PCDH17: variants seen among roughly 807,000 people sequenced by gnomAD.
The protein encoded by PCDH17 is protocadherin-17.
PCDH17 carries 21 observed loss-of-function variants against 67.7 expected under a neutral mutation model. That is an observed-to-expected ratio of 0.31 (90% CI 0.22 to 0.45). The LOEUF is 0.45. PCDH17 is among the 20% of genes least tolerant of loss of function. PCDH17 has a pLI of 1.00. For missense variants in PCDH17, 1,471 were observed against 1,564.8 expected (o/e 0.94, Z 1.01); for synonymous variants, 701 against 656.7 (o/e 1.07, Z -1.03).
At chr13:57,663,837 C>T (rs1389656249) in intron 1 of PCDH17, among the ~76,000 whole-genome samples, 2 of 152,170 alleles carry the variant, frequency 1.3e-5, no homozygotes, top group East Asian at 3.9e-4. Flanking sequence ...CTCCTCGTTC[C>T]TGTATCTTTT....
chr13:57,701,262 T>TCCCC (rs1177887292), intron 3 of PCDH17, among the ~76,000 whole-genome samples: 1 of 151,960 alleles, frequency 6.6e-6, no homozygotes, highest in East Asian at 1.9e-4. Flanking sequence ...ACTTTGTATC[T>TCCCC]CCCCCGTTTG....
At chr13:57,709,285 C>A (rs1285250695) in intron 3 of PCDH17, among the ~76,000 whole-genome samples, 1 of 151,704 alleles carries the variant, frequency 6.6e-6, no homozygotes, top group Non-Finnish European at 1.5e-5. Context: ...AGGGATATTA[C>A]AGAATAGTTT....
chr13:57,720,230 T>C (rs1449784560), intron 3 of PCDH17, among the ~76,000 whole-genome samples: 1 of 152,004 alleles, frequency 6.6e-6, no homozygotes, highest in African/African-American at 2.4e-5. Flanking sequence ...AGCTTTCAGA[T>C]ATTATCAGCC....
chr13:57,677,545 G>A (rs964676350), intron 3 of PCDH17, among the ~76,000 whole-genome samples: 1 of 151,800 alleles, frequency 6.6e-6, no homozygotes, highest in African/African-American at 2.4e-5. Context: ...GAGGAGAATG[G>A]ACAGAGACAG....
chr13:57,705,413 T>C lies in PCDH17; in HGVS notation c.2798-19199T>C, dbSNP rs897992204. Reference sequence around the variant, plus strand: ...GAGTATCAGCTGTTGGCATCATCCATTCATATTATCCATATTAAGTATCTG... The same window carrying C: ...GAGTATCAGCTGTTGGCATCATCCACTCATATTATCCATATTAAGTATCTG... On this transcript the variant is annotated intron_variant, in intron 3 of 3. Transcript: ENST00000377918. Among the ~76,000 whole-genome samples, 7 of 152,132 alleles carry C rather than the reference T, an allele frequency of 4.6e-5. 1 individual carries two copies. Among genetic ancestry groups the C allele is most frequent in the Middle Eastern group, 6.3e-3 (2 of 316 alleles).
rs1194165278 is a variant in PCDH17 at position 57,728,193 on chromosome 13, G to T, written c.*2899G>T. On this transcript the variant is annotated 3_prime_UTR_variant, in exon 4 of 4. Coordinates refer to ENST00000377918, the MANE Select transcript of PCDH17 (RefSeq NM_001040429.3). Reference sequence around the variant, plus strand: ...CATTTAGCTGGCAACTGCCTTTATTGCAGACCTCTGGTGCTTGGCTTTCAA... The same window carrying T: ...CATTTAGCTGGCAACTGCCTTTATTTCAGACCTCTGGTGCTTGGCTTTCAA... 7 of 152,512 alleles carry T rather than the reference G, an allele frequency of 4.6e-5. No homozygotes were observed. Among genetic ancestry groups the T allele is most frequent in the Non-Finnish European group, 1.0e-4 (7 of 67,986 alleles). The allele number at this position is 152,512 out of a possible 1,614,324, so 9.4% of individuals were successfully genotyped here. A position where few individuals can be genotyped will look rare whatever the true frequency, so the allele number is the denominator to read the frequency against.
At position 57,724,625 on chromosome 13, in the gene PCDH17, T is replaced by C; in HGVS notation, c.2811T>C (p.Cys937=). 1 of 1,610,442 alleles carries C rather than the reference T, an allele frequency of 6.2e-7. No homozygotes were observed. The highest frequency in any genetic ancestry group is 8.5e-7 in the Non-Finnish European group (1 of 1,176,990). Residue 937 remains cysteine (C), a synonymous_variant, in exon 4 of 4, where the codon TGT becomes TGC. Coordinates refer to ENST00000377918, the MANE Select transcript of PCDH17 (RefSeq NM_001040429.3). The part of the protein sequence containing the change: ...SQPLEQEPEE[C]VNCTDECRVL... ...TTTGTTTTGCAGAACCAGAAGAGTGTGTTAATTGCACAGATGAATGCCGAG... is the reference window on the plus strand; with the variant it reads ...TTTGTTTTGCAGAACCAGAAGAGTGCGTTAATTGCACAGATGAATGCCGAG...
At chr13:57,701,304 T>G (rs1955660858) in intron 3 of PCDH17, among the ~76,000 whole-genome samples, 1 of 152,174 alleles carries the variant, frequency 6.6e-6, no homozygotes, top group Non-Finnish European at 1.5e-5. Flanking sequence ...TAACATAACC[T>G]GTAGAAGTGA....
chr13:57,717,159 C>T (rs2138096924), intron 3 of PCDH17, among the ~76,000 whole-genome samples: 1 of 152,036 alleles, frequency 6.6e-6, no homozygotes, highest in Middle Eastern at 3.4e-3. Flanking sequence ...TACTTCCAAG[C>T]ATCTGCCGCT....
At chr13:57,692,035 A>C (rs1036059797) in intron 3 of PCDH17, among the ~76,000 whole-genome samples, 1 of 151,248 alleles carries the variant, frequency 6.6e-6, no homozygotes, top group Non-Finnish European at 1.5e-5. Context: ...ACAGGAAGTT[A>C]AAATGCTTAT....
chr13:57,677,759 TTAAAAGA>T (rs1955408486), intron 3 of PCDH17, among the ~76,000 whole-genome samples: 1 of 151,758 alleles, frequency 6.6e-6, no homozygotes, highest in African/African-American at 2.4e-5. Flanking sequence ...AGTTAAGATG[TTAAAAGA>T]TAAGAGATTT....
At chr13:57,711,317 C>T (rs1363766375) in intron 3 of PCDH17, among the ~76,000 whole-genome samples, 1 of 151,842 alleles carries the variant, frequency 6.6e-6, no homozygotes, top group East Asian at 1.9e-4. Flanking sequence ...CAACAAGAAA[C>T]ACAGAGCTAG....
rs935410575 is a variant in PCDH17, at chr13:57,666,689, G to A, written c.2653G>A (p.Ala885Thr). The A allele has an allele frequency of 6.2e-7, 1 of 1,612,718 alleles. No individual in the cohort carries two copies. The highest frequency in any genetic ancestry group is 1.3e-5 in the African/African-American group (1 of 74,848). ...SSSTFKDPER[A>T]SLRDSGHGDS... ...CTCCACGTTTAAGGACCCAGAAAGA[G>A]CCAGCCTGAGAGACAGTGGGCACGG... Residue 885 changes from alanine (A) to threonine (T), a missense_variant, in exon 3 of 4, where the codon GCC becomes ACC. Ala to Thr is a moderately conservative substitution (Grantham distance 58). Transcript: ENST00000377918.
chr13:57,631,535 C>T (rs907581589), upstream of PCDH17, among the ~76,000 whole-genome samples: 1 of 152,192 alleles, frequency 6.6e-6, no homozygotes, highest in African/African-American at 2.4e-5. Context: ...GCGGAGGCTA[C>T]TGGCTTGGCG....
At position 57,724,774 on chromosome 13, in the gene PCDH17, A is replaced by G. The variant is rs2138106844; in HGVS notation, c.2960A>G (p.Tyr987Cys). 6.2e-7 allele frequency: 1 copy of G among 1,614,194 alleles called. No individual in the cohort carries two copies. The highest frequency in any genetic ancestry group is 2.2e-5 in the East Asian group (1 of 44,862). Residue 987 changes from tyrosine to cysteine, a missense_variant, in exon 4 of 4, where the codon TAC (tyrosine) becomes TGC (cysteine). Transcript: ENST00000377918. ...GAAGCTAATGTTGAGACTGAGACTT[A>G]CGAAACTGTGAATCCCACTGGGAAA... ...TVEANVETET[Y>C]ETVNPTGKKT... is the part of the protein sequence containing the mutation.
In PCDH17 at chr13:57,634,857, C is replaced by A; in HGVS notation, c.2311C>A (p.Gln771Lys). Residue 771 changes from glutamine (Q) to lysine (K), a missense_variant, in exon 1 of 4, where the codon CAG becomes AAG. Transcript: ENST00000377918. This position sits in a 1 kb window ranked among gnomAD's most constrained non-coding sequence, Gnocchi z 7.8. ...CAACAAAAATGATATCATGCTGGTG[C>A]AGAGCGAAGTGGAGGAGAGGAACGC... ...KINKNDIMLV[Q>K]SEVEERNAMN... 1 of 1,614,116 alleles carries A rather than the reference C, an allele frequency of 6.2e-7. No individual in the cohort carries two copies.
In PCDH17 at chr13:57,636,383, A is replaced by G. The variant is rs188150955; in HGVS notation, c.2565+1272A>G. On this transcript the variant is annotated intron_variant, in intron 1 of 3. Coordinates refer to ENST00000377918, the MANE Select transcript of PCDH17 (RefSeq NM_001040429.3). ...ATAACTTTTGATGACACTGGACTCAATAATGTTTTTATTGTTAAAATGGAG... is the reference window on the plus strand; with the variant it reads ...ATAACTTTTGATGACACTGGACTCAGTAATGTTTTTATTGTTAAAATGGAG... 5.3e-3 allele frequency among the ~76,000 whole-genome samples: 803 copies of G among 152,326 alleles called. 5 individuals carry two copies. The highest frequency in any genetic ancestry group is 7.2e-3 in the Non-Finnish European group (488 of 68,004).
intron 3 of PCDH17, among the ~76,000 whole-genome samples, chr13:57,722,904 T>C (rs1016263486): frequency 2.6e-5 from 4 of 152,142 alleles, no homozygotes; most frequent in African/African-American, 9.7e-5. Flanking sequence ...CCACTATACC[T>C]GGCCAATATT....
chr13:57,676,101 G>A (rs1216722106), intron 3 of PCDH17, among the ~76,000 whole-genome samples: 4 of 151,748 alleles, frequency 2.6e-5, no homozygotes, highest in Admixed American at 2.6e-4. Context: ...ATTATTTAAT[G>A]CCTTAATTAA....
Sources: gnomAD v4.1 joint callset for allele counts (sites outside exome capture counted in the v4.1 genomes callset) on GRCh38, gnomAD v4.1.1 for gene constraint, Gnocchi (gnomAD v3.1) non-coding constraint, MANE v1.5 for transcripts, NCBI Gene and HGNC (gene_info 2026-07-23, HGNC 2026-07-21) for gene names.